Variants in IKBKE observed in about 807,000 individuals in gnomAD.
The protein encoded by IKBKE is inhibitor of nuclear factor kappa-B kinase subunit epsilon.
Under a neutral mutation model 92.1 loss-of-function variants are expected in IKBKE, and 45 were observed. That is an observed-to-expected ratio of 0.49 (90% confidence interval 0.38 to 0.63). The LOEUF is 0.63. Among genes scored for constraint, IKBKE ranks in the 20% least tolerant of loss-of-function variants. The probability of loss-of-function intolerance (pLI) is 0.00; values close to 1 mark genes in which losing one functional copy is unlikely to be tolerated. For synonymous variants in IKBKE, 374 were observed against 380.3 expected (o/e 0.98, Z 0.19); for missense variants, 700 against 932.8 (o/e 0.75, Z 3.25).
intron 13 of IKBKE, among the ~76,000 whole-genome samples, chr1:206,484,095 T>TTTGTTTTGTA (rs1553387922): frequency 1.6e-5 from 2 of 122,040 alleles, no homozygotes; most frequent in Non-Finnish European, 3.4e-5. Flanking sequence ...TGGCTTTTAT[T>TTTGTTTTGTA]TTGTATTGTA....
chr1:206,473,212 C>A lies in IKBKE; in HGVS notation c.-16C>A, dbSNP rs41295988. The A allele has an allele frequency of 5.5e-4, 877 of 1,603,596 alleles. 6 individuals are homozygous for A. The African/African-American group carries it at 0.01, about 19-fold the overall frequency. On this transcript the variant is annotated 5_prime_UTR_variant, in exon 3 of 22. Transcript: ENST00000581977. Reference sequence around the variant, plus strand: ...TTTCTCTAGGCAGAAGGTGACCAGCCAGCTCAGGGCAGGAGATGCAGAGCA... The same window carrying A: ...TTTCTCTAGGCAGAAGGTGACCAGCAAGCTCAGGGCAGGAGATGCAGAGCA...
rs951940915 is a variant in IKBKE at position 206,476,909 on chromosome 1, C to T, written c.701+71C>T. 36 of 1,547,066 alleles carry T rather than the reference C, an allele frequency of 2.3e-5. No homozygotes were observed. The highest frequency in any genetic ancestry group is 1.4e-4 in the Admixed American group (8 of 58,938). ...CTGGCCCTTCCCCCACCGGTCCTTGCTGTGTCTTCTGGTCCCCTCACACTC... is the reference window on the plus strand; with the variant it reads ...CTGGCCCTTCCCCCACCGGTCCTTGTTGTGTCTTCTGGTCCCCTCACACTC... On this transcript the variant is annotated intron_variant, in intron 7 of 21. Transcript: ENST00000581977. This position sits in a 1 kb window ranked among gnomAD's most constrained non-coding sequence, Gnocchi z 5.1.
At chr1:206,484,095 TTTGTATTGTATTGTA>T (rs56098571) in intron 13 of IKBKE, among the ~76,000 whole-genome samples, 4,019 of 122,086 alleles carry the variant, frequency 0.033, 72 homozygotes, top group Admixed American at 0.049. Flanking sequence ...TGGCTTTTAT[TTTGTATTGTATTGTA>T]TTGTATTGTA....
rs782111367 is a variant in IKBKE, at chr1:206,474,859, C to G, written c.229-6C>G. The G allele has an allele frequency of 5.6e-6, 9 of 1,613,572 alleles. No homozygotes were observed. The highest frequency in any genetic ancestry group is 7.6e-6 in the Non-Finnish European group (9 of 1,179,836). On this transcript the variant is annotated splice_polypyrimidine_tract_variant and splice_region_variant and intron_variant, in intron 4 of 21. Transcript: ENST00000581977. The stretch of plus-strand genomic sequence containing the variant: ...CCTCATGAGCCCCTCTCTGTCCCAC[C>G]CATAGGGCGGAAGCCGGCAGAAGGT...
intron 13 of IKBKE, among the ~76,000 whole-genome samples, chr1:206,484,068 G>T (rs187060166): frequency 1.3e-5 from 2 of 150,096 alleles, no homozygotes; most frequent in African/African-American, 4.9e-5. Flanking sequence ...GGTATTACCG[G>T]TGTGAGCCAC....
chr1:206,486,173 G>A (rs574578253), intron 15 of IKBKE, among the ~76,000 whole-genome samples: 4 of 152,396 alleles, frequency 2.6e-5, no homozygotes, highest in South Asian at 4.1e-4. Context: ...AGATGTGAAT[G>A]TGTTTGATTA....
chr1:206,474,625 G>A (rs1277540051), intron 4 of IKBKE, among the ~76,000 whole-genome samples, 154 bp downstream of exon 4: 1 of 152,076 alleles, frequency 6.6e-6, no homozygotes, highest in Non-Finnish European at 1.5e-5. Flanking sequence ...GGGCAAGGGG[G>A]TGGGGGCGGT....
At chr1:206,492,959 A>C in intron 18 of IKBKE, 64 bp from the exon 19 acceptor site, 1 of 1,388,594 alleles carries the variant, frequency 7.2e-7, no homozygotes, top group Admixed American at 2.0e-5. Flanking sequence ...GATGGCAGCT[A>C]GGCGAGCCCT....
Position 206,493,917 on chromosome 1 carries a change from C to T in IKBKE, c.2046-3C>T, listed in dbSNP as rs782106950. The T allele has an allele frequency of 6.2e-7, 1 of 1,613,638 alleles. No individual in the cohort carries two copies. The highest frequency in any genetic ancestry group is 8.5e-7 in the Non-Finnish European group (1 of 1,179,794). On this transcript the variant is annotated splice_region_variant and splice_polypyrimidine_tract_variant and intron_variant, in intron 20 of 21. Coordinates refer to ENST00000581977, the MANE Select transcript of IKBKE (RefSeq NM_014002.4). ...CCGCCTCTCCTGCCTCTGCCTTGGGCAGCATGCAAGAGCTCTGCGAGGGGA... is the reference window on the plus strand; with the variant it reads ...CCGCCTCTCCTGCCTCTGCCTTGGGTAGCATGCAAGAGCTCTGCGAGGGGA...
intron 10 of IKBKE, 126 bp downstream of exon 10, chr1:206,479,259 G>A (rs909710725): frequency 4.2e-5 from 33 of 784,018 alleles, no homozygotes; most frequent in Non-Finnish European, 6.2e-5. Flanking sequence ...GGGAGCAGGA[G>A]GCAGATGTGG....
chr1:206,495,106 C>T (rs923822992), intron 21 of IKBKE, among the ~76,000 whole-genome samples: 18 of 151,968 alleles, frequency 1.2e-4, no homozygotes, highest in Admixed American at 2.0e-4. Flanking sequence ...TGAAGGCCAG[C>T]GGCCCTGTTT....
rs1049669566 is a variant in IKBKE, at chr1:206,478,018, A to G, written c.813-142A>G. ...TCTGGTTGCTGGAACGAGTTCTTCC[A>G]GCTCTTCCTCCCCAACCCACCCTGC... On this transcript the variant is annotated intron_variant, in intron 8 of 21. Transcript: ENST00000581977. The surrounding 1 kb of genome is among the most constrained non-coding windows in gnomAD (Gnocchi z 4.8). 4.8e-6 allele frequency: 4 copies of G among 832,060 alleles called. No homozygotes were observed. The highest frequency in any genetic ancestry group is 5.8e-6 in the Non-Finnish European group (3 of 520,952). 51.5% of individuals were successfully genotyped at this position (832,060 alleles called of 1,614,324 possible).
Position 206,476,923 on chromosome 1 carries a change from C to G in IKBKE, c.701+85C>G. ...ACCGGTCCTTGCTGTGTCTTCTGGT[C>G]CCCTCACACTCCATGGCCCTCCTCT... On this transcript the variant is annotated intron_variant, in intron 7 of 21. Coordinates refer to ENST00000581977, the MANE Select transcript of IKBKE (RefSeq NM_014002.4). This position sits in a 1 kb window ranked among gnomAD's most constrained non-coding sequence, Gnocchi z 5.1. 1.4e-6 allele frequency: 2 copies of G among 1,466,680 alleles called. No homozygotes were observed. The allele number at this position is 1,466,680 out of a possible 1,614,324, so 90.9% of individuals were successfully genotyped here. A position where few individuals can be genotyped will look rare whatever the true frequency, so the allele number is the denominator to read the frequency against.
In IKBKE at chr1:206,485,114, T is replaced by C. The variant is rs1553388261; in HGVS notation, c.1503+42T>C. The stretch of plus-strand genomic sequence containing the variant: ...GGCAAGGGCTTAGCAGGATCAGAGC[T>C]GGGGGCCCGTGTTCCAGCCAGCCTG... On this transcript the variant is annotated intron_variant, in intron 14 of 21. Coordinates refer to ENST00000581977, the MANE Select transcript of IKBKE (RefSeq NM_014002.4). This position sits in a 1 kb window ranked among gnomAD's most constrained non-coding sequence, Gnocchi z 5.0. 4.4e-6 allele frequency: 7 copies of C among 1,598,656 alleles called. No homozygotes were observed. Among genetic ancestry groups the C allele is most frequent in the Admixed American group, 1.7e-5 (1 of 59,996 alleles).
Position 206,478,283 on chromosome 1 carries a change from T to C in IKBKE, c.936T>C (p.His312=). ...ACATCCTGCAGCGAGTTGTCGTCCA[T>C]GTCTTCTCCCTGTCCCAGGCAGTCC... is the stretch of plus-strand genomic sequence containing the variant. The part of the protein sequence containing the change: ...TSDILQRVVV[H]VFSLSQAVLH... Residue 312 remains histidine, a synonymous_variant, in exon 9 of 22, where the codon CAT becomes CAC. Transcript: ENST00000581977. The surrounding 1 kb of genome is among the most constrained non-coding windows in gnomAD (Gnocchi z 4.8). The C allele has an allele frequency of 6.2e-7, 1 of 1,614,122 alleles. No homozygotes were observed. Among genetic ancestry groups the C allele is most frequent in the South Asian group, 1.1e-5 (1 of 91,092 alleles).
Position 206,478,869 on chromosome 1 carries a change from C to A in IKBKE, c.993-74C>A. 8.6e-7 allele frequency: 1 copy of A among 1,159,354 alleles called. No homozygotes were observed. The highest frequency in any genetic ancestry group is 1.2e-5 in the South Asian group (1 of 81,956). The allele number at this position is 1,159,354 out of a possible 1,614,324, so 71.8% of individuals were successfully genotyped here. ...GTCTATGGGCAACGCTTAGCTGGGG[C>A]TTAGGTCACCCTAGCCCCCTGCCTT... On this transcript the variant is annotated intron_variant, in intron 9 of 21. Transcript: ENST00000581977. This position sits in a 1 kb window ranked among gnomAD's most constrained non-coding sequence, Gnocchi z 4.8.
At chr1:206,484,095 T>TTTGTA (rs56098571) in intron 13 of IKBKE, among the ~76,000 whole-genome samples, 21,258 of 121,944 alleles carry the variant, frequency 0.17, 2,253 homozygotes, top group Middle Eastern at 0.2. Flanking sequence ...TGGCTTTTAT[T>TTTGTA]TTGTATTGTA....
At chr1:206,491,186 T>TC (rs1275100146) in intron 17 of IKBKE, 21 of 429,286 alleles carry the variant, frequency 4.9e-5, no homozygotes, top group Admixed American at 4.0e-4. Flanking sequence ...CTTCCCTGCC[T>TC]CCCCCCGCTC....
At position 206,491,640 on chromosome 1, in the gene IKBKE, C is replaced by T. The variant is rs1553390380; in HGVS notation, c.1734-8C>T. ...GCTCATCTGCACCTTGGTTCTCTGT[C>T]GTTCTAGGGTGAATTTCAGTCATTT... On this transcript the variant is annotated splice_region_variant and splice_polypyrimidine_tract_variant and intron_variant, in intron 17 of 21. Coordinates refer to ENST00000581977, the MANE Select transcript of IKBKE (RefSeq NM_014002.4). 21 of 1,605,824 alleles carry T rather than the reference C, an allele frequency of 1.3e-5. No homozygotes were observed. The highest frequency in any genetic ancestry group is 3.3e-5 in the Admixed American group (2 of 59,926).
Sources: allele counts gnomAD v4.1 joint callset (sites outside exome capture counted in the v4.1 genomes callset), GRCh38; gene constraint gnomAD v4.1.1; non-coding constraint Gnocchi (gnomAD v3.1); transcripts MANE v1.5; gene names NCBI Gene and HGNC (gene_info 2026-07-23, HGNC 2026-07-21).